The following STX18 variants were observed in gnomAD, a reference collection of about 807,000 sequenced individuals.
The protein encoded by STX18 is syntaxin 18, also known as syntaxin-18.
In STX18, 40 loss-of-function variants were observed where a neutral mutation model predicts 50.1. The observed-to-expected ratio is 0.80, with a 90% CI of 0.62 to 1.04. The LOEUF is 1.04. Ranked by LOEUF, STX18 falls within the 50% of genes least tolerant of loss-of-function variation. The pLI is 0.00. For synonymous variants in STX18, 158 were observed against 151.8 expected, an observed-to-expected ratio of 1.04 and a Z score of -0.30; for missense variants, 410 against 415.8, an observed-to-expected ratio of 0.99 and a Z score of 0.12.
intron 6 of STX18, among the ~76,000 whole-genome samples, chr4:4,436,595 C>T (rs1725788880): frequency 1.3e-5 from 2 of 152,222 alleles, no homozygotes; most frequent in South Asian, 4.1e-4. Context: ...AGAACTCACA[C>T]TCTACAACAT....
intron 5 of STX18, among the ~76,000 whole-genome samples, chr4:4,441,734 C>G (rs368004618): frequency 6.6e-6 from 1 of 152,148 alleles, no homozygotes; most frequent in African/African-American, 2.4e-5. Context: ...AGGTCCCATC[C>G]TGAAGCCGGA....
At chr4:4,469,516 T>A (rs1016804851) in intron 2 of STX18, among the ~76,000 whole-genome samples, 1 of 152,010 alleles carries the variant, frequency 6.6e-6, no homozygotes, top group Non-Finnish European at 1.5e-5. Flanking sequence ...TAGCTGGGAA[T>A]CATGAATACA....
intron 1 of STX18, 79 bp downstream of exon 1, chr4:4,541,718 G>A: frequency 1.3e-6 from 2 of 1,499,920 alleles, no homozygotes; most frequent in African/African-American, 1.4e-5. Context: ...TTACGGGACG[G>A]GGTCTGGTTT....
At chr4:4,532,127 C>A (rs562625479) in intron 1 of STX18, among the ~76,000 whole-genome samples, 1 of 152,130 alleles carries the variant, frequency 6.6e-6, no homozygotes, top group Non-Finnish European at 1.5e-5. Context: ...CCTCTCTACT[C>A]CCCCAAGGAA....
intron 1 of STX18, among the ~76,000 whole-genome samples, chr4:4,495,183 T>C (rs943309550): frequency 6.6e-6 from 1 of 152,170 alleles, no homozygotes; most frequent in African/African-American, 2.4e-5. Context: ...AAAGATATAG[T>C]ACATGCCTCA....
intron 5 of STX18, among the ~76,000 whole-genome samples, chr4:4,446,159 T>C (rs1470297197): frequency 6.6e-6 from 1 of 152,066 alleles, no homozygotes; most frequent in Non-Finnish European, 1.5e-5. Context: ...AGTTATTATA[T>C]AGAATAAAAT....
Position 4,509,927 on chromosome 4 carries a change from T to G in STX18, c.168+31870A>C, listed in dbSNP as rs553932643. ...CCCTAAGACAGGTGTGTATCAAGCA[T>G]GCGTGAAGAACAGCAAGGAGACTGA... On this transcript the variant is annotated intron_variant, in intron 1 of 10. Coordinates refer to ENST00000306200, the MANE Select transcript of STX18 (RefSeq NM_016930.4). Among the ~76,000 whole-genome samples the G allele has an allele frequency of 3.0e-4, 45 of 152,306 alleles. 2 individuals are homozygous for G. The highest frequency in any genetic ancestry group is 2.1e-3 in the Admixed American group (32 of 15,298).
chr4:4,459,872 G>C (rs917509943), intron 2 of STX18, among the ~76,000 whole-genome samples: 6 of 152,178 alleles, frequency 3.9e-5, no homozygotes, highest in African/African-American at 1.4e-4. Context: ...AGGGTGGAGG[G>C]TGTTCCCTAA....
At chr4:4,507,074 A>C in intron 1 of STX18, 2 of 526,180 alleles carry the variant, frequency 3.8e-6, no homozygotes, top group South Asian at 2.9e-5. Flanking sequence ...CAGCAAGGAG[A>C]AGGCCATGTT....
chr4:4,432,203 T>C (rs1359143653), intron 7 of STX18, among the ~76,000 whole-genome samples: 2 of 152,188 alleles, frequency 1.3e-5, no homozygotes, highest in Admixed American at 1.3e-4. Context: ...TCAGGGCTAA[T>C]GGTACCATCA....
chr4:4,425,345 G>A, intron 7 of STX18, 123 bp from the exon 8 acceptor site: 2 of 842,650 alleles, frequency 2.4e-6, no homozygotes, highest in Non-Finnish European at 4.0e-6. Context: ...GCGGCAACGT[G>A]GCAGCCGGTG....
At chr4:4,443,556 C>T (rs1726231699) in intron 5 of STX18, among the ~76,000 whole-genome samples, 1 of 152,136 alleles carries the variant, frequency 6.6e-6, no homozygotes, top group Non-Finnish European at 1.5e-5. Context: ...TTTTATGAGG[C>T]CAGTATTACC....
intron 2 of STX18, among the ~76,000 whole-genome samples, chr4:4,461,180 T>G (rs1390561610): frequency 6.6e-6 from 1 of 152,224 alleles, no homozygotes; most frequent in Admixed American, 6.5e-5. Flanking sequence ...ATTATTTAAT[T>G]AAAAGGTAAT....
intron 5 of STX18, among the ~76,000 whole-genome samples, chr4:4,446,125 T>C (rs963325335): frequency 6.7e-6 from 1 of 149,432 alleles, no homozygotes; most frequent in Non-Finnish European, 1.5e-5. Context: ...GATATTTATA[T>C]ACAATAAAAT....
chr4:4,438,576 G>A (rs1725916497), intron 5 of STX18, 67 bp from the exon 6 acceptor site: 2 of 1,304,774 alleles, frequency 1.5e-6, no homozygotes, highest in East Asian at 4.6e-5. Flanking sequence ...GAAAACAGAA[G>A]GAGTCACATG....
In STX18 at chr4:4,419,934, TA is replaced by T; in HGVS notation, c.*99del. On this transcript the variant is annotated 3_prime_UTR_variant, in exon 11 of 11. Transcript: ENST00000306200. The stretch of plus-strand genomic sequence containing the variant: ...CCTTTCCCTTCAAATGGCACTGTGA[TA>T]AAATCTGGTCATACCATGCTCCAGC... 1.0e-6 allele frequency: 1 copy of T among 980,476 alleles called. No homozygotes were observed. The highest frequency in any genetic ancestry group is 1.5e-6 in the Non-Finnish European group (1 of 645,632). 60.7% of individuals were successfully genotyped at this position (980,476 alleles called of 1,614,324 possible). A position where few individuals can be genotyped will look rare whatever the true frequency, so the allele number is the denominator to read the frequency against.
intron 2 of STX18, among the ~76,000 whole-genome samples, chr4:4,463,927 G>A (rs1258379896): frequency 1.3e-5 from 2 of 152,128 alleles, no homozygotes; most frequent in East Asian, 3.8e-4. Flanking sequence ...AGTGCAAGTA[G>A]ACAAAGCATC....
intron 5 of STX18, among the ~76,000 whole-genome samples, chr4:4,438,839 T>C (rs772777987): frequency 1.3e-5 from 2 of 151,892 alleles, no homozygotes; most frequent in African/African-American, 4.8e-5. Flanking sequence ...GGAAGCTGGA[T>C]TGATGCTTAC....
chr4:4,436,705 G>A (rs1419956541), intron 6 of STX18, among the ~76,000 whole-genome samples: 1 of 152,162 alleles, frequency 6.6e-6, no homozygotes, highest in Non-Finnish European at 1.5e-5. Flanking sequence ...GGCCACCCGT[G>A]CACCCTGGTG....
Sources: allele counts gnomAD v4.1 joint callset (sites outside exome capture counted in the v4.1 genomes callset), GRCh38; gene constraint gnomAD v4.1.1; transcripts MANE v1.5; gene names NCBI Gene and HGNC (gene_info 2026-07-23, HGNC 2026-07-21).